Variants in BTG4 observed in about 807,000 individuals in gnomAD.
The protein encoded by BTG4 is BTG anti-proliferation factor 4.
BTG4 carries 10 observed loss-of-function variants against 19.3 expected under a neutral mutation model. The observed-to-expected ratio is 0.52, with a 90% CI of 0.32 to 0.88. The LOEUF is 0.88. Among genes scored for constraint, BTG4 ranks in the 40% least tolerant of loss-of-function variants. The pLI, the probability that BTG4 is intolerant of heterozygous loss-of-function variation, is 0.04. For synonymous variants in BTG4, 91 were observed against 95.7 expected, an observed-to-expected ratio of 0.95 and a Z score of 0.29; for missense variants, 238 against 281.9, an observed-to-expected ratio of 0.84 and a Z score of 1.11.
chr11:111,443,070 A>G, the BTG4 span, among the ~76,000 whole-genome samples: 1 of 152,196 alleles, frequency 6.6e-6, no homozygotes, highest in East Asian at 1.9e-4. Context: ...CATCATGTTG[A>G]TTGCATGTAC....
the BTG4 span, among the ~76,000 whole-genome samples, chr11:111,429,549 G>A: frequency 2.6e-5 from 4 of 152,220 alleles, no homozygotes; most frequent in Non-Finnish European, 5.9e-5. Context: ...TTGGTAAACA[G>A]ATAAGGTATC....
At chr11:111,421,312 C>T in the BTG4 span, among the ~76,000 whole-genome samples, 2 of 152,176 alleles carry the variant, frequency 1.3e-5, no homozygotes, top group Non-Finnish European at 1.5e-5. Context: ...CTCCCCTTTA[C>T]CTAATGTTGC....
chr11:111,482,806 T>C (rs1398791354), intron 5 of BTG4, among the ~76,000 whole-genome samples: 1 of 149,410 alleles, frequency 6.7e-6, no homozygotes, highest in East Asian at 2.0e-4. Context: ...TCAAAATAGA[T>C]GGCAAACTAA....
At chr11:111,411,583 T>G in the BTG4 span, among the ~76,000 whole-genome samples, 290 of 152,320 alleles carry the variant, frequency 1.9e-3, 1 homozygote, top group African/African-American at 6.8e-3. Context: ...ACAAGCAGCA[T>G]GTCTCAAATT....
At chr11:111,421,441 T>C in the BTG4 span, among the ~76,000 whole-genome samples, 1 of 152,174 alleles carries the variant, frequency 6.6e-6, no homozygotes, top group East Asian at 1.9e-4. Context: ...GTCAACCGAT[T>C]TGCAAAGACA....
chr11:111,458,648 T>C, the BTG4 span, among the ~76,000 whole-genome samples: 1 of 152,074 alleles, frequency 6.6e-6, no homozygotes, highest in East Asian at 1.9e-4. Flanking sequence ...TGCAGCAGTC[T>C]TCCACTTCCC....
chr11:111,389,901 C>T, the BTG4 span, among the ~76,000 whole-genome samples: 1 of 152,160 alleles, frequency 6.6e-6, no homozygotes, highest in Non-Finnish European at 1.5e-5. Flanking sequence ...TCCATGTGTG[C>T]CTTCCAGCTC....
upstream of BTG4, chr11:111,513,024 C>T (rs755904691): frequency 1.9e-5 from 9 of 461,630 alleles, no homozygotes; most frequent in African/African-American, 1.8e-4. Context: ...CAAGGCACAG[C>T]ATCACCGCCG....
chr11:111,469,490 G>A (rs942797093), intron 5 of BTG4: 1 of 152,188 alleles, frequency 6.6e-6, no homozygotes, highest in Non-Finnish European at 1.5e-5. Flanking sequence ...GCCTGGCCAG[G>A]AAGAGGATTT....
chr11:111,466,033 C>T (rs535939807), downstream of BTG4, among the ~76,000 whole-genome samples: 5 of 152,140 alleles, frequency 3.3e-5, no homozygotes, highest in African/African-American at 1.2e-4. Flanking sequence ...CTTCAACCTT[C>T]GTCTTGCCAT....
At chr11:111,506,296 A>G (rs1012527203) in intron 1 of BTG4, among the ~76,000 whole-genome samples, 2 of 152,132 alleles carry the variant, frequency 1.3e-5, no homozygotes, top group African/African-American at 4.8e-5. Context: ...ATACTACACA[A>G]TCATAAAAGA....
At chr11:111,482,038 T>C (rs897912858) in intron 5 of BTG4, among the ~76,000 whole-genome samples, 1 of 151,938 alleles carries the variant, frequency 6.6e-6, no homozygotes, top group African/African-American at 2.4e-5. Flanking sequence ...ACTATCCCTA[T>C]GCAGATGACA....
At chr11:111,433,842 A>G in the BTG4 span, among the ~76,000 whole-genome samples, 1 of 152,360 alleles carries the variant, frequency 6.6e-6, no homozygotes, top group East Asian at 1.9e-4. Flanking sequence ...AATCAAAACC[A>G]CAGGGAGATA....
chr11:111,462,739 G>A (rs1863473533), downstream of BTG4: 1 of 152,440 alleles, frequency 6.6e-6, no homozygotes, highest in South Asian at 2.1e-4. Flanking sequence ...CTGCAGTTTA[G>A]GGCAGGCAGC....
the BTG4 span, chr11:111,404,535 T>C: frequency 2.2e-6 from 1 of 454,792 alleles, no homozygotes; most frequent in Admixed American, 2.4e-5. Context: ...TCATCTGACA[T>C]AACAACTTGA....
At chr11:111,414,778 T>G in the BTG4 span, 1 of 152,300 alleles carries the variant, frequency 6.6e-6, no homozygotes, top group South Asian at 2.1e-4. Flanking sequence ...CCTCTGAGCT[T>G]CCCTTTCTTC....
At chr11:111,431,052 T>C in the BTG4 span, among the ~76,000 whole-genome samples, 1 of 149,530 alleles carries the variant, frequency 6.7e-6, no homozygotes, top group African/African-American at 2.5e-5. Flanking sequence ...CCATAGTGCC[T>C]CAGTCAGTGA....
At chr11:111,421,134 G>T in the BTG4 span, among the ~76,000 whole-genome samples, 2 of 152,350 alleles carry the variant, frequency 1.3e-5, no homozygotes, top group East Asian at 3.9e-4. Flanking sequence ...GGAGTCCAGA[G>T]ATTGGTGTGC....
chr11:111,498,510 T>G, intron 2 of BTG4, 94 bp downstream of exon 2: 4 of 1,149,520 alleles, frequency 3.5e-6, no homozygotes, highest in Non-Finnish European at 5.1e-6. Context: ...CTTTTGTTAC[T>G]TATATGCAGA....
Sources: allele counts gnomAD v4.1 joint callset (sites outside exome capture counted in the v4.1 genomes callset), GRCh38; gene constraint gnomAD v4.1.1; transcripts MANE v1.5; gene names NCBI Gene and HGNC (gene_info 2026-07-23, HGNC 2026-07-21).